The following CBR4 variants were observed in gnomAD, a reference collection of about 807,000 sequenced individuals.
CBR4 encodes the protein 3-oxoacyl-[acyl-carrier-protein] reductase.
In CBR4, 22 loss-of-function variants were observed where a neutral mutation model predicts 21.0. That is an observed-to-expected ratio of 1.05 (90% CI 0.75 to 1.50). The LOEUF is 1.50. CBR4 is among the 40% of genes most tolerant of loss of function. The pLI, the probability that CBR4 is intolerant of heterozygous loss-of-function variation, is 0.00. For missense variants in CBR4, 302 were observed against 286.3 expected, an observed-to-expected ratio of 1.05 and a Z score of -0.40; for synonymous variants, 100 against 104.4, an observed-to-expected ratio of 0.96 and a Z score of 0.26.
In CBR4 at chr4:168,922,100, TATACACACACACACAC is replaced by T. The variant is rs1399497875; in HGVS notation, n.170-27351_170-27336del. 2.2e-3 allele frequency among the ~76,000 whole-genome samples: 213 copies of T among 96,576 alleles called. 2 individuals are homozygous for T. The highest frequency in any genetic ancestry group is 0.013 in the Admixed American group (101 of 8,052). The allele number at this position is 96,576 out of a possible 152,430, so 63.4% of individuals were successfully genotyped here. On this transcript the variant is annotated intron_variant and non_coding_transcript_variant, in intron 2 of 3. Coordinates refer to the CBR4 transcript ENST00000509108. ...AGTTTTATATTTATATATATATATA[TATACACACACACACAC>T]ACACACACACACACACACACACACA...
intron 2 of CBR4, among the ~76,000 whole-genome samples, chr4:168,957,716 C>T (rs1164645942): frequency 1.3e-5 from 2 of 152,122 alleles, no homozygotes; most frequent in African/African-American, 4.8e-5. Flanking sequence ...ACTGGAATCA[C>T]GCAATATGAA....
chr4:168,937,808 T>C (rs1763155652), intron 2 of CBR4, among the ~76,000 whole-genome samples: 2 of 152,178 alleles, frequency 1.3e-5, no homozygotes, highest in Non-Finnish European at 1.5e-5. Context: ...TCCAGATTCA[T>C]AAAGCAAGTT....
intron 2 of CBR4, among the ~76,000 whole-genome samples, chr4:168,917,404 G>C (rs1039307932): frequency 2.0e-5 from 3 of 152,086 alleles, no homozygotes; most frequent in African/African-American, 7.2e-5. Flanking sequence ...TTAGGTGTTT[G>C]AACTCTGAAA....
At chr4:168,931,955 A>G (rs1009138434) in intron 2 of CBR4, among the ~76,000 whole-genome samples, 2 of 96,046 alleles carry the variant, frequency 2.1e-5, no homozygotes, top group Non-Finnish European at 5.1e-5. Context: ...CTTTCCCTAC[A>G]AAACCTTTCA....
intron 2 of CBR4, among the ~76,000 whole-genome samples, chr4:168,941,410 T>C (rs1763261326): frequency 6.6e-6 from 1 of 152,126 alleles, no homozygotes; most frequent in Non-Finnish European, 1.5e-5. Flanking sequence ...TGCAAATCAG[T>C]AAACATGATA....
chr4:168,928,080 T>C (rs2126638542), intron 2 of CBR4: 2 of 196,076 alleles, frequency 1.0e-5, no homozygotes, highest in East Asian at 1.6e-4. Context: ...GTTTAAGTGA[T>C]TAATAGGCTT....
intron 2 of CBR4, among the ~76,000 whole-genome samples, chr4:168,956,777 T>A (rs1274110980): frequency 6.6e-6 from 1 of 152,160 alleles, no homozygotes; most frequent in Non-Finnish European, 1.5e-5. Flanking sequence ...GGATATAATT[T>A]GCCAAAAGCA....
At chr4:168,905,185 CTG>C (rs1757433330) in intron 2 of CBR4, among the ~76,000 whole-genome samples, 1 of 114,188 alleles carries the variant, frequency 8.8e-6, no homozygotes, top group African/African-American at 3.2e-5. Flanking sequence ...GAATCTCACT[CTG>C]TCGCCCAGGC....
chr4:168,989,089 G>A lies in CBR4; in HGVS notation c.*1061C>T. 1 of 983,774 alleles carries A rather than the reference G, an allele frequency of 1.0e-6. No homozygotes were observed. Among genetic ancestry groups the A allele is most frequent in the Non-Finnish European group, 1.2e-6 (1 of 828,462 alleles). The allele number at this position is 983,774 out of a possible 1,614,324, so 60.9% of individuals were successfully genotyped here. ...AAGACCAGTGCCTTCACTGCTTCTT[G>A]TAAAGACATTTAATTTAATGTTATT... On this transcript the variant is annotated 3_prime_UTR_variant, in exon 5 of 5. Coordinates refer to ENST00000306193, the MANE Select transcript of CBR4 (RefSeq NM_032783.5).
chr4:168,917,238 C>T lies in CBR4; in HGVS notation n.170-22473G>A, dbSNP rs563147995. ...TAATTTTTTGTATCTTTAGTACAGACGGGGTTTCACCATATTGGCCAGGCT... is the reference window on the plus strand; with the variant it reads ...TAATTTTTTGTATCTTTAGTACAGATGGGGTTTCACCATATTGGCCAGGCT... On this transcript the variant is annotated intron_variant and non_coding_transcript_variant, in intron 2 of 3. Coordinates refer to the CBR4 transcript ENST00000509108. Among the ~76,000 whole-genome samples the T allele has an allele frequency of 2.4e-3, 355 of 149,412 alleles. 7 individuals carry two copies. Among genetic ancestry groups the T allele is most frequent in the Non-Finnish European group, 5.4e-4 (36 of 67,210 alleles).
At chr4:168,896,569 T>G in intron 2 of CBR4, 1 of 1,516,696 alleles carries the variant, frequency 6.6e-7, no homozygotes, top group Non-Finnish European at 8.9e-7. Flanking sequence ...CTCCTCATGC[T>G]TCTGTAGGGA....
chr4:168,908,368 C>T (rs1758244326), intron 2 of CBR4, among the ~76,000 whole-genome samples: 1 of 152,032 alleles, frequency 6.6e-6, no homozygotes, highest in Non-Finnish European at 1.5e-5. Flanking sequence ...TGTAAGGATG[C>T]CATTCTGGAA....
At chr4:168,977,208 C>T (rs909948215) in intron 2 of CBR4, among the ~76,000 whole-genome samples, 1 of 151,928 alleles carries the variant, frequency 6.6e-6, no homozygotes, top group Non-Finnish European at 1.5e-5. Flanking sequence ...GCCATCTTTT[C>T]CAGCATCTCC....
At chr4:168,993,267 G>C (rs900115135) in intron 4 of CBR4, among the ~76,000 whole-genome samples, 1 of 150,024 alleles carries the variant, frequency 6.7e-6, no homozygotes, top group Non-Finnish European at 1.5e-5. Flanking sequence ...CTGGAATGCA[G>C]TGGTGCGATC....
At chr4:168,908,550 T>C (rs990490137) in intron 2 of CBR4, among the ~76,000 whole-genome samples, 2 of 152,148 alleles carry the variant, frequency 1.3e-5, no homozygotes, top group African/African-American at 4.8e-5. Flanking sequence ...CCCAAAAGCA[T>C]AAAGTGTAGT....
chr4:168,945,882 A>G (rs1763383313), intron 2 of CBR4, among the ~76,000 whole-genome samples: 1 of 152,162 alleles, frequency 6.6e-6, no homozygotes, highest in Non-Finnish European at 1.5e-5. Flanking sequence ...TAGAAAGCAG[A>G]TGGGAGTTAG....
At position 168,946,407 on chromosome 4, in the gene CBR4, A is replaced by C. The variant is rs569664581; in HGVS notation, n.170-51642T>G. ...CAAGGTCAAATCTATTTGCAAAATA[A>C]TACTACAATGTCATTTGCCTGTTTT... On this transcript the variant is annotated intron_variant and non_coding_transcript_variant, in intron 2 of 3. Coordinates refer to the CBR4 transcript ENST00000509108. Among the ~76,000 whole-genome samples, 4 of 152,352 alleles carry C rather than the reference A, an allele frequency of 2.6e-5. No individual in the cohort carries two copies. In the South Asian group the frequency reaches 6.2e-4, roughly 24 times the overall value.
At chr4:168,948,938 C>T (rs573189751) in intron 2 of CBR4, among the ~76,000 whole-genome samples, 9 of 152,236 alleles carry the variant, frequency 5.9e-5, no homozygotes, top group African/African-American at 2.2e-4. Flanking sequence ...TGCATTAAAT[C>T]TGTAGACTGC....
intron 2 of CBR4, among the ~76,000 whole-genome samples, chr4:168,974,486 G>C (rs1166496646): frequency 6.6e-6 from 1 of 152,124 alleles, no homozygotes; most frequent in Non-Finnish European, 1.5e-5. Context: ...TTCCTTGATT[G>C]TTCCCTCAAA....
Sources: allele counts gnomAD v4.1 joint callset (sites outside exome capture counted in the v4.1 genomes callset), GRCh38; gene constraint gnomAD v4.1.1; transcripts MANE v1.5; gene names NCBI Gene and HGNC (gene_info 2026-07-23, HGNC 2026-07-21).